Variants in SLC39A11 observed in about 807,000 individuals in gnomAD.
SLC39A11 encodes the protein zinc transporter ZIP11.
Under a neutral mutation model 36.1 loss-of-function variants are expected in SLC39A11, and 33 were observed. The observed-to-expected ratio is 0.91, with a 90% CI of 0.69 to 1.22. The LOEUF (loss-of-function observed/expected upper bound fraction) is 1.22, where lower values mean the gene tolerates loss of function less well. Among genes scored for constraint, SLC39A11 ranks in the 50% most tolerant of loss-of-function variants. The pLI, the probability that SLC39A11 is intolerant of heterozygous loss-of-function variation, is 0.00. For synonymous variants in SLC39A11, 166 were observed against 170.3 expected (o/e 0.97, Z 0.20); for missense variants, 432 against 430.3 (o/e 1.00, Z -0.03).
intron 5 of SLC39A11, among the ~76,000 whole-genome samples, chr17:72,946,041 C>T (rs188715933): frequency 6.6e-6 from 1 of 152,170 alleles, no homozygotes; most frequent in African/African-American, 2.4e-5. Flanking sequence ...AGGAGCCCAG[C>T]GCAGTCATGT....
intron 1 of SLC39A11, among the ~76,000 whole-genome samples, chr17:73,089,368 G>A (rs1404654459): frequency 2.6e-5 from 4 of 152,144 alleles, no homozygotes; most frequent in Non-Finnish European, 5.9e-5. Context: ...CAGCTCAACT[G>A]AATTATTTAT....
intron 4 of SLC39A11, among the ~76,000 whole-genome samples, chr17:72,981,520 C>G (rs957671909): frequency 1.4e-5 from 2 of 142,890 alleles, no homozygotes; most frequent in African/African-American, 5.2e-5. Flanking sequence ...CTTTTTATAC[C>G]AAAATAGATT....
At chr17:72,665,410 T>TTTTTTTTTTTTTTTTTTTTA (rs2070706791) in intron 7 of SLC39A11, among the ~76,000 whole-genome samples, 1 of 146,292 alleles carries the variant, frequency 6.8e-6, no homozygotes. Flanking sequence ...TTTTTTTTTT[T>TTTTTTTTTTTTTTTTTTTTA]GAGACAGGGT....
intron 5 of SLC39A11, among the ~76,000 whole-genome samples, chr17:72,898,635 C>T (rs1423905657): frequency 6.6e-6 from 1 of 152,224 alleles, no homozygotes; most frequent in Non-Finnish European, 1.5e-5. Flanking sequence ...CATGCATATA[C>T]ACAGTGCATA....
At chr17:72,681,488 G>C (rs2071507423) in intron 7 of SLC39A11, among the ~76,000 whole-genome samples, 1 of 152,192 alleles carries the variant, frequency 6.6e-6, no homozygotes, top group Admixed American at 6.5e-5. Context: ...GGTGGCAGGG[G>C]GAAGGAGAGA....
chr17:72,795,000 A>T (rs1051708883), intron 6 of SLC39A11, among the ~76,000 whole-genome samples: 7 of 152,136 alleles, frequency 4.6e-5, no homozygotes, highest in Non-Finnish European at 8.8e-5. Flanking sequence ...GTGAAAGAAG[A>T]TTCTATCCAC....
At chr17:72,976,422 A>G (rs1280304344) in intron 4 of SLC39A11, among the ~76,000 whole-genome samples, 1 of 152,132 alleles carries the variant, frequency 6.6e-6, no homozygotes, top group Non-Finnish European at 1.5e-5. Flanking sequence ...CTCACCCTCC[A>G]TTCCAATTTT....
chr17:72,754,015 T>C (rs55781005), intron 6 of SLC39A11, among the ~76,000 whole-genome samples: 16,092 of 78,576 alleles, frequency 0.2, 1,044 homozygotes, highest in African/African-American at 0.25. Context: ...GTGATATGTA[T>C]ATATGTATAT....
At chr17:72,806,802 C>T (rs1350039002) in intron 6 of SLC39A11, among the ~76,000 whole-genome samples, 2 of 152,136 alleles carry the variant, frequency 1.3e-5, no homozygotes, top group African/African-American at 2.4e-5. Context: ...AGGCTGGACT[C>T]GAACTCCTGA....
chr17:72,709,501 T>G (rs368790951), intron 7 of SLC39A11, among the ~76,000 whole-genome samples: 1 of 152,234 alleles, frequency 6.6e-6, no homozygotes, highest in Non-Finnish European at 1.5e-5. Flanking sequence ...GCTTGAGGGT[T>G]TCTCCTTGAA....
chr17:72,711,764 C>A (rs1254172688), intron 7 of SLC39A11, among the ~76,000 whole-genome samples: 2 of 152,160 alleles, frequency 1.3e-5, no homozygotes, highest in Non-Finnish European at 2.9e-5. Flanking sequence ...GACATCTCCC[C>A]TGGCTGCCCC....
intron 5 of SLC39A11, among the ~76,000 whole-genome samples, chr17:72,907,368 T>C (rs1243402771): frequency 3.9e-5 from 6 of 152,186 alleles, no homozygotes; most frequent in Non-Finnish European, 7.3e-5. Context: ...CACGTGCCTA[T>C]AATCCCAGCT....
chr17:73,063,222 A>G (rs753570611), intron 3 of SLC39A11, among the ~76,000 whole-genome samples: 11 of 152,234 alleles, frequency 7.2e-5, no homozygotes, highest in Non-Finnish European at 1.6e-4. Context: ...AATGAATTTG[A>G]CGAAGGTAAC....
chr17:72,759,173 G>C (rs1463935971), intron 6 of SLC39A11, among the ~76,000 whole-genome samples: 1 of 150,798 alleles, frequency 6.6e-6, no homozygotes, highest in Non-Finnish European at 1.5e-5. Flanking sequence ...ACAGATACCA[G>C]ATAGCAGAAA....
intron 7 of SLC39A11, among the ~76,000 whole-genome samples, chr17:72,654,701 G>A (rs995393020): frequency 6.6e-6 from 1 of 152,162 alleles, no homozygotes; most frequent in Non-Finnish European, 1.5e-5. Context: ...GGAAGGCCAA[G>A]GCTTCTGATA....
chr17:72,808,935 A>G (rs987854083), intron 6 of SLC39A11, among the ~76,000 whole-genome samples: 1 of 152,190 alleles, frequency 6.6e-6, no homozygotes, highest in African/African-American at 2.4e-5. Context: ...TGAGGGAGGC[A>G]GATTTGAGTA....
chr17:72,692,042 G>A (rs1451056411), intron 7 of SLC39A11, among the ~76,000 whole-genome samples: 4 of 147,770 alleles, frequency 2.7e-5, no homozygotes, highest in East Asian at 2.0e-4. Context: ...GCGGAGTCTC[G>A]CTCTGTCACT....
intron 6 of SLC39A11, among the ~76,000 whole-genome samples, chr17:72,757,643 ATTT>A (rs568776835): frequency 7.1e-6 from 1 of 140,768 alleles, no homozygotes; most frequent in African/African-American, 2.6e-5. Flanking sequence ...TGTCTGGCAC[ATTT>A]TTTTTTTTTT....
At chr17:72,699,645 T>C (rs1465532673) in intron 7 of SLC39A11, among the ~76,000 whole-genome samples, 1 of 152,244 alleles carries the variant, frequency 6.6e-6, no homozygotes, top group African/African-American at 2.4e-5. Flanking sequence ...GGGGCCATGC[T>C]GTAAACACTT....
Sources: gnomAD v4.1 joint callset for allele counts (sites outside exome capture counted in the v4.1 genomes callset) on GRCh38, gnomAD v4.1.1 for gene constraint, MANE v1.5 for transcripts, NCBI Gene and HGNC (gene_info 2026-07-23, HGNC 2026-07-21) for gene names.